Variants in KCNH1 observed in about 807,000 individuals in gnomAD.
KCNH1 encodes the protein voltage-gated delayed rectifier potassium channel KCNH1.
KCNH1 carries 27 observed loss-of-function variants against 69.2 expected under a neutral mutation model. That is an observed-to-expected ratio of 0.39 (90% CI 0.29 to 0.54). The LOEUF is 0.54. Among genes scored for constraint, KCNH1 ranks in the 20% least tolerant of loss-of-function variants. The probability of loss-of-function intolerance (pLI) is 0.68; values close to 1 mark genes in which losing one functional copy is unlikely to be tolerated. For missense variants in KCNH1, 798 were observed against 1,261.6 expected, an observed-to-expected ratio of 0.63 and a Z score of 5.57; for synonymous variants, 456 against 487.7, an observed-to-expected ratio of 0.93 and a Z score of 0.86.
intron 6 of KCNH1, among the ~76,000 whole-genome samples, chr1:210,957,120 T>TTC (rs140828779): frequency 0.06 from 9,207 of 152,258 alleles, 397 homozygotes; most frequent in East Asian, 0.17. Context: ...TGTGTCTTTG[T>TTC]TCTCATTGGT....
chr1:211,109,471 C>T lies in KCNH1; in HGVS notation c.80-2094G>A, dbSNP rs535526140. 7.9e-5 allele frequency among the ~76,000 whole-genome samples: 12 copies of T among 152,318 alleles called. No homozygotes were observed. In the South Asian group the frequency reaches 2.5e-3, roughly 32 times the overall value. ...AAGTAGTACAGTATTTACTAAATTA[C>T]TCCCAAGTGTATATGAAGCCTAGTT... On this transcript the variant is annotated intron_variant, in intron 1 of 10. Transcript: ENST00000271751.
intron 7 of KCNH1, among the ~76,000 whole-genome samples, chr1:210,870,600 C>A (rs760006284): frequency 6.6e-6 from 1 of 152,104 alleles, no homozygotes; most frequent in African/African-American, 2.4e-5. Context: ...TATCCTTGTC[C>A]CAGCATCTTA....
intron 3 of KCNH1, among the ~76,000 whole-genome samples, chr1:211,097,063 G>T (rs1691170375): frequency 6.6e-6 from 1 of 152,140 alleles, no homozygotes; most frequent in African/African-American, 2.4e-5. Flanking sequence ...AACTCACATA[G>T]CTAATAAATT....
chr1:211,066,306 A>C (rs1690529899), intron 5 of KCNH1, among the ~76,000 whole-genome samples: 1 of 152,176 alleles, frequency 6.6e-6, no homozygotes, highest in Non-Finnish European at 1.5e-5. Context: ...ATTTATTGCA[A>C]ATTGAGTATC....
At chr1:210,728,714 T>C (rs1283068530) in intron 10 of KCNH1, among the ~76,000 whole-genome samples, 1 of 152,238 alleles carries the variant, frequency 6.6e-6, no homozygotes, top group African/African-American at 2.4e-5. Flanking sequence ...GAGGAGCCAG[T>C]TTTAGGTGCA....
chr1:210,939,756 G>T (rs539305682), intron 6 of KCNH1, among the ~76,000 whole-genome samples: 74 of 152,166 alleles, frequency 4.9e-4, no homozygotes, highest in Non-Finnish European at 9.0e-4. Context: ...GTAGAAAGTA[G>T]CACAGCTAGA....
At chr1:211,072,509 A>G (rs867557681) in intron 5 of KCNH1, among the ~76,000 whole-genome samples, 1 of 152,232 alleles carries the variant, frequency 6.6e-6, no homozygotes, top group Non-Finnish European at 1.5e-5. Flanking sequence ...TGACAGTTCA[A>G]TGAAAAATAA....
chr1:210,740,704 A>ATTTTTTTTTTTTTTTTTTTTTT (rs199727493), intron 10 of KCNH1, among the ~76,000 whole-genome samples: 5 of 117,264 alleles, frequency 4.3e-5, no homozygotes, highest in African/African-American at 1.7e-4. Flanking sequence ...TTATGATTAA[A>ATTTTTTTTTTTTTTTTTTTTTT]TTTTTTTTTT....
At chr1:210,836,083 G>A (rs1031900620) in intron 7 of KCNH1, among the ~76,000 whole-genome samples, 3 of 126,188 alleles carry the variant, frequency 2.4e-5, no homozygotes, top group African/African-American at 9.2e-5. Flanking sequence ...CTGCACTCCA[G>A]CCTAAGCAGC....
intron 5 of KCNH1, among the ~76,000 whole-genome samples, chr1:211,070,345 G>A (rs994343063): frequency 6.6e-6 from 1 of 151,848 alleles, no homozygotes; most frequent in Non-Finnish European, 1.5e-5. Context: ...GTGAGCCCGG[G>A]AGGTGGAGCT....
intron 7 of KCNH1, among the ~76,000 whole-genome samples, chr1:210,841,496 C>T (rs1399733851): frequency 1.3e-5 from 2 of 152,168 alleles, no homozygotes; most frequent in African/African-American, 2.4e-5. Flanking sequence ...GAAATGATAA[C>T]TTCTACTCCT....
At chr1:210,798,134 G>A (rs1020899133) in intron 8 of KCNH1, among the ~76,000 whole-genome samples, 18 of 151,220 alleles carry the variant, frequency 1.2e-4, no homozygotes, top group Non-Finnish European at 1.8e-4. Context: ...CCGCCTCCCA[G>A]GTTCACGCCA....
intron 7 of KCNH1, among the ~76,000 whole-genome samples, chr1:210,843,369 A>G (rs1237037551): frequency 6.6e-6 from 1 of 152,208 alleles, no homozygotes; most frequent in Non-Finnish European, 1.5e-5. Context: ...TAATTTATTA[A>G]GAAACTAACC....
At chr1:210,778,172 C>A (rs1683898378) in intron 9 of KCNH1, among the ~76,000 whole-genome samples, 1 of 152,214 alleles carries the variant, frequency 6.6e-6, no homozygotes, top group South Asian at 2.1e-4. Flanking sequence ...CTGACTGCAA[C>A]CACATGTGGG....
chr1:211,069,540 G>A (rs955697186), intron 5 of KCNH1, among the ~76,000 whole-genome samples: 1 of 152,040 alleles, frequency 6.6e-6, no homozygotes, highest in Non-Finnish European at 1.5e-5. Flanking sequence ...AGAACTCTAA[G>A]AACCAAAACA....
At chr1:211,037,502 T>A (rs1689919688) in intron 5 of KCNH1, among the ~76,000 whole-genome samples, 1 of 150,912 alleles carries the variant, frequency 6.6e-6, no homozygotes, top group Non-Finnish European at 1.5e-5. Flanking sequence ...CTTTTTTTTT[T>A]TTTTTTTTTT....
intron 6 of KCNH1, among the ~76,000 whole-genome samples, chr1:210,971,735 T>C (rs982245675): frequency 3.7e-4 from 57 of 152,196 alleles, no homozygotes; most frequent in African/African-American, 1.3e-3. Context: ...TTCTGGAGAA[T>C]GAGTTGTTCA....
chr1:210,759,965 C>T (rs956879918), intron 10 of KCNH1, among the ~76,000 whole-genome samples: 18 of 152,148 alleles, frequency 1.2e-4, no homozygotes, highest in African/African-American at 2.2e-4. Flanking sequence ...ACCTGAGCTC[C>T]GCCTCCTATC....
intron 1 of KCNH1, among the ~76,000 whole-genome samples, chr1:211,109,068 G>T (rs1268541273): frequency 6.6e-6 from 1 of 152,210 alleles, no homozygotes; most frequent in Non-Finnish European, 1.5e-5. Context: ...TAGTCTAAAA[G>T]GATGAGTAAG....
Sources: allele counts gnomAD v4.1 joint callset (sites outside exome capture counted in the v4.1 genomes callset), GRCh38; gene constraint gnomAD v4.1.1; transcripts MANE v1.5; gene names NCBI Gene and HGNC (gene_info 2026-07-23, HGNC 2026-07-21).